The following WDR33 variants were observed in gnomAD, a reference collection of about 807,000 sequenced individuals.
The protein encoded by WDR33 is WD repeat domain 33, also known as pre-mRNA 3' end processing protein WDR33.
A neutral mutation model predicts 164.9 loss-of-function variants in WDR33; 47 were observed. The ratio of observed to expected loss-of-function variants is 0.29; its 90% CI spans 0.23 to 0.36. The LOEUF (loss-of-function observed/expected upper bound fraction) is 0.36, where lower values mean the gene tolerates loss of function less well. WDR33 is among the 10% of genes least tolerant of loss of function. The probability of loss-of-function intolerance (pLI) is 1.00; values close to 1 mark genes in which losing one functional copy is unlikely to be tolerated. For synonymous variants in WDR33, 505 were observed against 589.0 expected, an observed-to-expected ratio of 0.86 and a Z score of 2.06; for missense variants, 1,137 against 1,754.1, an observed-to-expected ratio of 0.65 and a Z score of 6.28.
rs1218145737 is a variant in WDR33, at chr2:127,713,264, T to G, written c.3308+319A>C. ...GTAGCTGCCTCATATTTCCTTATTC[T>G]AATCAAGAAGAACCTGGAAATTTTA... On this transcript the variant is annotated intron_variant, in intron 18 of 21. Coordinates refer to ENST00000322313, the MANE Select transcript of WDR33 (RefSeq NM_018383.5). This position sits in a 1 kb window ranked among gnomAD's most constrained non-coding sequence, Gnocchi z 6.2. Among the ~76,000 whole-genome samples, 1 of 152,226 alleles carries G rather than the reference T, an allele frequency of 6.6e-6. No homozygotes were observed. The highest frequency in any genetic ancestry group is 1.5e-5 in the Non-Finnish European group (1 of 68,046).
Position 127,727,636 on chromosome 2 carries a change from T to C in WDR33, c.725-859A>G, listed in dbSNP as rs190847705. 2.2e-3 allele frequency among the ~76,000 whole-genome samples: 339 copies of C among 152,262 alleles called. 1 individual carries two copies. Among genetic ancestry groups the C allele is most frequent in the Non-Finnish European group, 2.9e-3 (199 of 68,030 alleles). ...GCATTAGCTCACTTCACAAGTGTAA[T>C]AGATTAACTTACTAAAAGTCATAAA... On this transcript the variant is annotated intron_variant, in intron 7 of 21. Transcript: ENST00000322313.
At chr2:127,748,241 C>A (rs1009901716) in intron 7 of WDR33, among the ~76,000 whole-genome samples, 7 of 152,204 alleles carry the variant, frequency 4.6e-5, no homozygotes, top group African/African-American at 1.7e-4. Context: ...CATTATAACA[C>A]CCTGTTACTA....
Position 127,735,395 on chromosome 2 carries a change from A to AT in WDR33, c.725-8619dup. On this transcript the variant is annotated intron_variant, in intron 7 of 21. Coordinates refer to ENST00000322313, the MANE Select transcript of WDR33 (RefSeq NM_018383.5). The surrounding 1 kb of genome is among the most constrained non-coding windows in gnomAD (Gnocchi z 4.3). ...TGAACAGTCTGAAAACCAATACATA[A>AT]TAAGTTTTATTTGAAGGTCAGAAAT... 1.0e-6 allele frequency: 1 copy of AT among 985,830 alleles called. No homozygotes were observed. 61.1% of individuals were successfully genotyped at this position (985,830 alleles called of 1,614,324 possible). A position where few individuals can be genotyped will look rare whatever the true frequency, so the allele number is the denominator to read the frequency against.
chr2:127,762,483 G>T, intron 7 of WDR33: 1 of 974,318 alleles, frequency 1.0e-6, no homozygotes, highest in Non-Finnish European at 1.2e-6. Flanking sequence ...TGAGAATATG[G>T]ACTTCAGTTA....
intron 7 of WDR33, among the ~76,000 whole-genome samples, chr2:127,757,719 G>A (rs997005429): frequency 2.6e-5 from 4 of 152,080 alleles, no homozygotes; most frequent in South Asian, 4.2e-4. Context: ...AATAAATTAG[G>A]TTTATTATCA....
chr2:127,781,982 G>A (rs1688386956), intron 1 of WDR33, among the ~76,000 whole-genome samples: 2 of 101,548 alleles, frequency 2.0e-5, no homozygotes, highest in African/African-American at 8.0e-5. Context: ...TGGGCAAGAA[G>A]AGCGAAACTC....
chr2:127,758,737 AGTT>A (rs370733940), intron 7 of WDR33, among the ~76,000 whole-genome samples: 27 of 152,332 alleles, frequency 1.8e-4, no homozygotes, highest in South Asian at 4.1e-4. Flanking sequence ...ACCTGCCAGT[AGTT>A]AAGTGATCTG....
At chr2:127,752,589 T>A in intron 7 of WDR33, among the ~76,000 whole-genome samples, 1 of 98,760 alleles carries the variant, frequency 1.0e-5, no homozygotes. Flanking sequence ...AGAGCGAGAC[T>A]CCGTCTCAAA....
intron 1 of WDR33, among the ~76,000 whole-genome samples, chr2:127,785,784 A>G (rs1252476226): frequency 6.6e-6 from 1 of 152,102 alleles, no homozygotes; most frequent in Non-Finnish European, 1.5e-5. Context: ...TACTATAAAC[A>G]TTTGTGTGCA....
At position 127,712,184 on chromosome 2, in the gene WDR33, G is replaced by A. The variant is rs973296230; in HGVS notation, c.3308+1399C>T. Among the ~76,000 whole-genome samples the A allele has an allele frequency of 4.6e-5, 7 of 151,998 alleles. No homozygotes were observed. Among genetic ancestry groups the A allele is most frequent in the Admixed American group, 3.9e-4 (6 of 15,282 alleles). On this transcript the variant is annotated intron_variant, in intron 18 of 21. Coordinates refer to ENST00000322313, the MANE Select transcript of WDR33 (RefSeq NM_018383.5). This position sits in a 1 kb window ranked among gnomAD's most constrained non-coding sequence, Gnocchi z 4.0. ...GGCTGAAGAACGTGGATCACTTGAG[G>A]TCAGGAGTTCAAGACGAGCCTGGCC... is the stretch of plus-strand genomic sequence containing the variant.
intron 1 of WDR33, among the ~76,000 whole-genome samples, chr2:127,788,449 C>T (rs1393008319): frequency 2.1e-4 from 26 of 121,838 alleles, no homozygotes; most frequent in South Asian, 2.8e-4. Context: ...CCCTCCCGGA[C>T]GGGGCGGCTG....
rs905746792 is a variant in WDR33, at chr2:127,712,403, A to G, written c.3308+1180T>C. On this transcript the variant is annotated intron_variant, in intron 18 of 21. Transcript: ENST00000322313. The surrounding 1 kb of genome is among the most constrained non-coding windows in gnomAD (Gnocchi z 4.0). ...GAGCAAGACTCCGTCTCAAGAAGAA[A>G]AAAAAAAAAAAAGAAATGGGATGAA... 3.3e-5 allele frequency among the ~76,000 whole-genome samples: 5 copies of G among 151,772 alleles called. No individual in the cohort carries two copies. The highest frequency in any genetic ancestry group is 7.2e-5 in the African/African-American group (3 of 41,522).
chr2:127,749,110 G>A lies in WDR33; in HGVS notation c.724+13952C>T, dbSNP rs376481341. The stretch of plus-strand genomic sequence containing the variant: ...CCAGTACTTTGGGAGGCCAAGATGG[G>A]AAAATCTCTTAGCCTAGGAGTTTGA... On this transcript the variant is annotated intron_variant, in intron 7 of 21. Coordinates refer to ENST00000322313, the MANE Select transcript of WDR33 (RefSeq NM_018383.5). Among the ~76,000 whole-genome samples, 3 of 152,150 alleles carry A rather than the reference G, an allele frequency of 2.0e-5. No individual in the cohort carries two copies. The East Asian group carries it at 5.8e-4, about 29-fold the overall frequency.
intron 1 of WDR33, among the ~76,000 whole-genome samples, chr2:127,783,221 T>C (rs1688435153): frequency 6.6e-6 from 1 of 152,252 alleles, no homozygotes; most frequent in African/African-American, 2.4e-5. Context: ...GTTTAATCCA[T>C]GTTACCTGAT....
At chr2:127,761,814 A>G (rs1436618162) in intron 7 of WDR33, among the ~76,000 whole-genome samples, 1 of 152,226 alleles carries the variant, frequency 6.6e-6, no homozygotes, top group Non-Finnish European at 1.5e-5. Flanking sequence ...CTTTATAGTG[A>G]GTAAACTCCC....
chr2:127,798,368 A>C lies in WDR33; in HGVS notation c.-24+12644T>G, dbSNP rs1316250379. ...AGGCAACAGGGCGAGACACCGTCGC[A>C]AAAAAAAAAAAAAAAAAAAAAAAAA... On this transcript the variant is annotated intron_variant, in intron 1 of 21. Transcript: ENST00000322313. Among the ~76,000 whole-genome samples the C allele has an allele frequency of 3.4e-3, 298 of 87,490 alleles. 1 individual carries two copies. The highest frequency in any genetic ancestry group is 5.0e-3 in the Non-Finnish European group (232 of 46,094). 57.4% of individuals were successfully genotyped at this position (87,490 alleles called of 152,430 possible).
chr2:127,788,491 T>C (rs1573463616), intron 1 of WDR33, among the ~76,000 whole-genome samples: 1 of 105,724 alleles, frequency 9.5e-6, no homozygotes, highest in African/African-American at 4.0e-5. Flanking sequence ...CCCACCTCCC[T>C]CCCGGACGGG....
At chr2:127,751,931 GTA>G (rs777063424) in intron 7 of WDR33, among the ~76,000 whole-genome samples, 6 of 152,220 alleles carry the variant, frequency 3.9e-5, no homozygotes, top group Admixed American at 1.3e-4. Context: ...TGAGGACGCA[GTA>G]AGTCCCCAAA....
chr2:127,788,790 C>T (rs1469358696), intron 1 of WDR33, among the ~76,000 whole-genome samples: 15 of 136,120 alleles, frequency 1.1e-4, no homozygotes, highest in Non-Finnish European at 9.6e-5. Context: ...GCTGGCCGGG[C>T]GGGGGGTTGA....
Sources: gnomAD v4.1 joint callset for allele counts (sites outside exome capture counted in the v4.1 genomes callset) on GRCh38, gnomAD v4.1.1 for gene constraint, Gnocchi (gnomAD v3.1) non-coding constraint, MANE v1.5 for transcripts, NCBI Gene and HGNC (gene_info 2026-07-23, HGNC 2026-07-21) for gene names.